Variants in HAPLN1 observed in about 807,000 individuals in gnomAD.
HAPLN1 encodes the protein Cartilage link protein.
Under a neutral mutation model 36.5 loss-of-function variants are expected in HAPLN1, and 13 were observed. That is an observed-to-expected ratio of 0.36 (90% CI 0.23 to 0.57). HAPLN1 has a LOEUF of 0.57. Ranked by LOEUF, HAPLN1 falls within the 20% of genes least tolerant of loss-of-function variation. HAPLN1 has a pLI of 0.83. For missense variants in HAPLN1, 407 were observed against 439.7 expected, an observed-to-expected ratio of 0.93 and a Z score of 0.66; for synonymous variants, 202 against 169.8, an observed-to-expected ratio of 1.19 and a Z score of -1.48.
intron 2 of HAPLN1, 41 bp from the exon 3 acceptor site, chr5:83,652,865 T>A (rs1381792521): frequency 2.7e-6 from 4 of 1,475,472 alleles, no homozygotes; most frequent in Non-Finnish European, 3.6e-6. Flanking sequence ...TAACTATTAA[T>A]ATACTTTCAG....
chr5:83,687,730 C>T (rs1409956791), intron 1 of HAPLN1, among the ~76,000 whole-genome samples: 1 of 152,166 alleles, frequency 6.6e-6, no homozygotes, highest in Non-Finnish European at 1.5e-5. Flanking sequence ...TTAATTGTAA[C>T]ATTTTAACAT....
intron 1 of HAPLN1, among the ~76,000 whole-genome samples, chr5:83,700,894 T>C (rs1417628957): frequency 6.6e-6 from 1 of 152,184 alleles, no homozygotes; most frequent in Non-Finnish European, 1.5e-5. Context: ...ATAAAGTTTT[T>C]CAACTCTGCA....
At chr5:83,718,790 A>T (rs1329985684) in intron 1 of HAPLN1, among the ~76,000 whole-genome samples, 1 of 152,212 alleles carries the variant, frequency 6.6e-6, no homozygotes, top group Non-Finnish European at 1.5e-5. Context: ...TTAAAAATGC[A>T]ATCTGAAAAA....
At chr5:83,681,651 C>G (rs1424597376) in intron 1 of HAPLN1, among the ~76,000 whole-genome samples, 4 of 152,088 alleles carry the variant, frequency 2.6e-5, no homozygotes, top group African/African-American at 9.7e-5. Flanking sequence ...GCTGGGACCA[C>G]AGCCACCTGC....
intron 1 of HAPLN1, among the ~76,000 whole-genome samples, chr5:83,709,841 A>G (rs1751735226): frequency 6.6e-6 from 1 of 152,214 alleles, no homozygotes; most frequent in South Asian, 2.1e-4. Context: ...GGAGACATAG[A>G]GACTGATGGG....
chr5:83,701,788 A>G (rs968529090), intron 1 of HAPLN1, among the ~76,000 whole-genome samples: 1 of 151,982 alleles, frequency 6.6e-6, no homozygotes. Context: ...AAGTACAAAA[A>G]ATTAGCCAGA....
chr5:83,685,985 C>T (rs1351826595), intron 1 of HAPLN1: 1 of 151,930 alleles, frequency 6.6e-6, no homozygotes, highest in Non-Finnish European at 1.5e-5. Context: ...CACAAGTTCT[C>T]GAAGTCCATT....
intron 1 of HAPLN1, among the ~76,000 whole-genome samples, chr5:83,696,425 A>G (rs962419463): frequency 6.6e-6 from 1 of 152,100 alleles, no homozygotes; most frequent in Non-Finnish European, 1.5e-5. Context: ...TGTAAATGTA[A>G]ATTCCCTGGA....
chr5:83,706,103 C>CAAAAAAAAAAAAAAAAAAAAAA (rs771717902), intron 1 of HAPLN1, among the ~76,000 whole-genome samples: 1 of 92,306 alleles, frequency 1.1e-5, no homozygotes. Flanking sequence ...GCCTACCAAT[C>CAAAAAAAAAAAAAAAAAAAAAA]GAAAAAAAAA....
chr5:83,683,065 A>G (rs1304386296), intron 1 of HAPLN1, among the ~76,000 whole-genome samples: 2 of 152,324 alleles, frequency 1.3e-5, no homozygotes, highest in South Asian at 4.1e-4. Flanking sequence ...AAACTTTTAT[A>G]TAAGTATCAA....
Position 83,638,076 on chromosome 5 carries a change from T to A in HAPLN1, c.*3420A>T, listed in dbSNP as rs1422648928. 6.6e-6 allele frequency: 1 copy of A among 151,882 alleles called. No homozygotes were observed. The highest frequency in any genetic ancestry group is 1.5e-5 in the Non-Finnish European group (1 of 67,848). The allele number at this position is 151,882 out of a possible 1,614,324, so 9.4% of individuals were successfully genotyped here. ...AATGAAAATTGTACGTATTTACAAT[T>A]TGAAGTCAAATGTATCAGAACAAGA... On this transcript the variant is annotated 3_prime_UTR_variant, in exon 5 of 5. Transcript: ENST00000274341.
chr5:83,669,075 T>G (rs1750630623), intron 2 of HAPLN1, among the ~76,000 whole-genome samples: 1 of 152,248 alleles, frequency 6.6e-6, no homozygotes, highest in Non-Finnish European at 1.5e-5. Context: ...TGGGAGTTCC[T>G]CTTGTTCTGC....
intron 3 of HAPLN1, among the ~76,000 whole-genome samples, chr5:83,647,255 CTT>C (rs1749904303): frequency 1.3e-5 from 2 of 152,094 alleles, no homozygotes; most frequent in Admixed American, 6.5e-5. Flanking sequence ...CAAAGTGAAA[CTT>C]ATGTTAATAT....
intron 3 of HAPLN1, among the ~76,000 whole-genome samples, chr5:83,650,056 G>A (rs544466953): frequency 1.1e-4 from 17 of 152,296 alleles, no homozygotes; most frequent in African/African-American, 3.1e-4. Context: ...CTAGCTTATC[G>A]CTCCAATAAC....
chr5:83,674,969 A>G (rs1750827796), intron 1 of HAPLN1, among the ~76,000 whole-genome samples: 3 of 152,218 alleles, frequency 2.0e-5, no homozygotes, highest in Admixed American at 2.0e-4. Context: ...AAGATGGTAG[A>G]TAAGCAAACA....
intron 1 of HAPLN1, among the ~76,000 whole-genome samples, chr5:83,673,938 A>T (rs996462600): frequency 1.5e-4 from 23 of 152,248 alleles, no homozygotes; most frequent in Non-Finnish European, 3.4e-4. Context: ...ATGTCTGTAT[A>T]TGAGTATCAC....
chr5:83,644,296 A>G, intron 4 of HAPLN1, 67 bp downstream of exon 4: 1 of 1,145,464 alleles, frequency 8.7e-7, no homozygotes, highest in South Asian at 3.2e-5. Context: ...ATTAAAAGCC[A>G]AGTGTAGTGT....
chr5:83,659,590 T>C (rs933730337), intron 2 of HAPLN1, among the ~76,000 whole-genome samples: 2 of 152,066 alleles, frequency 1.3e-5, no homozygotes, highest in Admixed American at 6.6e-5. Flanking sequence ...ATAAAAATCT[T>C]ATAAAAATAA....
At chr5:83,694,436 T>C (rs1751346563) in intron 1 of HAPLN1, among the ~76,000 whole-genome samples, 1 of 151,598 alleles carries the variant, frequency 6.6e-6, no homozygotes, top group African/African-American at 2.4e-5. Flanking sequence ...AATAATAATA[T>C]CAGAGTAAAA....
Sources: allele counts gnomAD v4.1 joint callset (sites outside exome capture counted in the v4.1 genomes callset), GRCh38; gene constraint gnomAD v4.1.1; transcripts MANE v1.5; gene names NCBI Gene and HGNC (gene_info 2026-07-23, HGNC 2026-07-21).